ARHGEF7: variants seen among roughly 807,000 people sequenced by gnomAD.
ARHGEF7 encodes the protein PAK-interacting exchange factor beta.
A neutral mutation model predicts 109.8 loss-of-function variants in ARHGEF7; 33 were observed. The ratio of observed to expected loss-of-function variants is 0.30; its 90% CI spans 0.23 to 0.40. ARHGEF7 has a LOEUF of 0.40. Ranked by LOEUF, ARHGEF7 falls within the 10% of genes least tolerant of loss-of-function variation. The pLI, the probability that ARHGEF7 is intolerant of heterozygous loss-of-function variation, is 1.00. For missense variants in ARHGEF7, 938 were observed against 1,098.5 expected, an observed-to-expected ratio of 0.85 and a Z score of 2.07; for synonymous variants, 458 against 424.6, an observed-to-expected ratio of 1.08 and a Z score of -0.97.
chr13:111,246,387 C>G (rs913141399), intron 8 of ARHGEF7, among the ~76,000 whole-genome samples: 4 of 152,256 alleles, frequency 2.6e-5, no homozygotes, highest in South Asian at 4.1e-4. Flanking sequence ...AGGGAGTGGC[C>G]TTCCTTCTGT....
intron 16 of ARHGEF7, among the ~76,000 whole-genome samples, chr13:111,285,773 C>G (rs1008349786): frequency 2.6e-5 from 4 of 152,178 alleles, no homozygotes; most frequent in Admixed American, 2.6e-4. Flanking sequence ...GGGGATAGGT[C>G]TGTCCTAGGG....
chr13:111,206,234 G>A (rs546622722), intron 3 of ARHGEF7, among the ~76,000 whole-genome samples: 5 of 150,320 alleles, frequency 3.3e-5, no homozygotes, highest in African/African-American at 1.2e-4. Flanking sequence ...GCCCTTCAGA[G>A]GGGGGGGTGT....
intron 2 of ARHGEF7, among the ~76,000 whole-genome samples, chr13:111,181,300 A>C (rs1230651971): frequency 6.6e-6 from 1 of 152,224 alleles, no homozygotes; most frequent in African/African-American, 2.4e-5. Flanking sequence ...AGTTGTCCCA[A>C]CTTCAAATTT....
At chr13:111,202,968 T>G in intron 2 of ARHGEF7, 1 of 676,680 alleles carries the variant, frequency 1.5e-6, no homozygotes, top group Admixed American at 4.4e-5. Flanking sequence ...GATGTCATAT[T>G]GAAGCCCATT....
intron 2 of ARHGEF7, among the ~76,000 whole-genome samples, chr13:111,169,138 T>C (rs1256116803): frequency 1.3e-5 from 2 of 152,212 alleles, no homozygotes; most frequent in Non-Finnish European, 2.9e-5. Context: ...GTTTAACATG[T>C]ACTAGTTTAC....
At chr13:111,155,357 A>ATTTAATT (rs1179954439) in intron 2 of ARHGEF7, among the ~76,000 whole-genome samples, 1 of 152,260 alleles carries the variant, frequency 6.6e-6, no homozygotes, top group African/African-American at 2.4e-5. Context: ...TAATTGAATT[A>ATTTAATT]GACATGTAGG....
chr13:111,159,229 G>A (rs1594102556), intron 2 of ARHGEF7: 2 of 617,204 alleles, frequency 3.2e-6, no homozygotes, highest in South Asian at 4.0e-5. Context: ...TTTTTTAAAA[G>A]TCTGACTAGT....
At chr13:111,221,425 C>CTATATATAGATATCTATATATCTA (rs1566873543) in intron 5 of ARHGEF7, among the ~76,000 whole-genome samples, 408 of 6,446 alleles carry the variant, frequency 0.063, 169 homozygotes, top group African/African-American at 0.21. Context: ...GTCTATATAT[C>CTATATATAGATATCTATATATCTA]TATATATAGA....
intron 1 of ARHGEF7, among the ~76,000 whole-genome samples, chr13:111,123,888 G>T (rs1594814119): frequency 1.4e-5 from 1 of 69,448 alleles, no homozygotes; most frequent in Non-Finnish European, 3.2e-5. Context: ...CCCGCCCCCT[G>T]CCCCTGCGGC....
chr13:111,209,762 CT>C, intron 3 of ARHGEF7, 109 bp from the exon 4 acceptor site: 3 of 1,296,678 alleles, frequency 2.3e-6, no homozygotes, highest in Non-Finnish European at 2.1e-6. Context: ...TTGTTGTGGT[CT>C]TTTGGTGTGT....
chr13:111,242,777 G>A (rs140559765), intron 6 of ARHGEF7, among the ~76,000 whole-genome samples: 1 of 152,290 alleles, frequency 6.6e-6, no homozygotes, highest in African/African-American at 2.4e-5. Flanking sequence ...TGTTTGAGTT[G>A]GGAGAAGTCA....
intron 16 of ARHGEF7, among the ~76,000 whole-genome samples, chr13:111,285,600 C>T (rs1047832892): frequency 5.3e-5 from 8 of 152,180 alleles, no homozygotes; most frequent in Non-Finnish European, 8.8e-5. Context: ...CAGCCCTGGC[C>T]GAGCTTGGCT....
chr13:111,188,402 G>A (rs1277097946), intron 2 of ARHGEF7, among the ~76,000 whole-genome samples: 1 of 152,190 alleles, frequency 6.6e-6, no homozygotes, highest in Admixed American at 6.5e-5. Context: ...CTGTAGAAAT[G>A]GATGAGCAGC....
At position 111,180,171 on chromosome 13, in the gene ARHGEF7, G is replaced by A. The variant is rs966219961; in HGVS notation, c.253-25118G>A. Among the ~76,000 whole-genome samples, 4 of 152,202 alleles carry A rather than the reference G, an allele frequency of 2.6e-5. No individual in the cohort carries two copies. In the South Asian group the frequency reaches 6.2e-4, roughly 24 times the overall value. ...AGGGTGGTGGTGGGCATCTAAGCCC[G>A]CAAGTTGTGGGATGTGGGAGAGGAG... On this transcript the variant is annotated intron_variant, in intron 2 of 21. Coordinates refer to ENST00000646102, the MANE Select transcript of ARHGEF7 (RefSeq NM_001354046.2).
intron 8 of ARHGEF7, chr13:111,265,728 G>A: frequency 2.2e-6 from 1 of 455,938 alleles, no homozygotes; most frequent in Non-Finnish European, 4.4e-6. Flanking sequence ...TTGGAGGTGG[G>A]TAGGTTGTGA....
intron 5 of ARHGEF7, among the ~76,000 whole-genome samples, chr13:111,224,814 G>T (rs1303428182): frequency 2.6e-5 from 4 of 152,118 alleles, no homozygotes; most frequent in Admixed American, 2.6e-4. Context: ...GCCTTCCTTC[G>T]TGCCACTGGA....
At chr13:111,288,569 A>T in intron 18 of ARHGEF7, 126 bp downstream of exon 18, 1 of 554,678 alleles carries the variant, frequency 1.8e-6, no homozygotes, top group Admixed American at 3.2e-5. Flanking sequence ...CCAGTGAGTG[A>T]TGTTTCAGTC....
At chr13:111,246,515 A>G (rs1260647166) in intron 8 of ARHGEF7, among the ~76,000 whole-genome samples, 1 of 152,212 alleles carries the variant, frequency 6.6e-6, no homozygotes, top group Non-Finnish European at 1.5e-5. Context: ...GACTATCGAT[A>G]TGGCAAGGAA....
rs540056060 is a variant in ARHGEF7, at chr13:111,175,099, G to A, written c.252+21108G>A. Among the ~76,000 whole-genome samples the A allele has an allele frequency of 6.6e-5, 10 of 152,290 alleles. No homozygotes were observed. In the East Asian group the frequency reaches 1.4e-3, roughly 21 times the overall value. ...TAGATCTGCCTTCTGGGAGTGGGACGAGCTTCTCTAAATTGAATATTTGTT... is the reference window on the plus strand; with the variant it reads ...TAGATCTGCCTTCTGGGAGTGGGACAAGCTTCTCTAAATTGAATATTTGTT... On this transcript the variant is annotated intron_variant, in intron 2 of 21. Transcript: ENST00000646102.
Sources: gnomAD v4.1 joint callset for allele counts (sites outside exome capture counted in the v4.1 genomes callset) on GRCh38, gnomAD v4.1.1 for gene constraint, MANE v1.5 for transcripts, NCBI Gene and HGNC (gene_info 2026-07-23, HGNC 2026-07-21) for gene names.